Variants in CSMD1 observed in about 807,000 individuals in gnomAD.
The protein encoded by CSMD1 is CUB and Sushi multiple domains 1.
CSMD1 carries 213 observed loss-of-function variants against 417.5 expected under a neutral mutation model. That is an observed-to-expected ratio of 0.51 (90% CI 0.46 to 0.57). The LOEUF (loss-of-function observed/expected upper bound fraction) is 0.57. Among genes scored for constraint, CSMD1 ranks in the 20% least tolerant of loss-of-function variants. CSMD1 has a pLI of 0.00. For missense variants in CSMD1, 6,923 were observed against 4,529.7 expected (o/e 1.53, Z -15.17); for synonymous variants, 2,862 against 1,736.8 (o/e 1.65, Z -16.11).
At chr8:3,588,945 A>G (rs1027123779) in intron 8 of CSMD1, among the ~76,000 whole-genome samples, 34 of 152,152 alleles carry the variant, frequency 2.2e-4, no homozygotes, top group African/African-American at 8.0e-4. Context: ...TCTTTAAAGA[A>G]GACATAAAAA....
At chr8:3,679,672 G>C (rs1799553382) in intron 7 of CSMD1, among the ~76,000 whole-genome samples, 1 of 152,128 alleles carries the variant, frequency 6.6e-6, no homozygotes, top group Non-Finnish European at 1.5e-5. Context: ...ACTGAGCTCT[G>C]CACCAAGCAG....
At chr8:3,447,386 A>C (rs56724582) in intron 12 of CSMD1, among the ~76,000 whole-genome samples, 1 of 152,282 alleles carries the variant, frequency 6.6e-6, no homozygotes, top group African/African-American at 2.4e-5. Flanking sequence ...AAGAAAAAAA[A>C]AGATGGCTTA....
intron 3 of CSMD1, among the ~76,000 whole-genome samples, chr8:4,251,893 G>T (rs905765): frequency 6.8e-6 from 1 of 147,048 alleles, no homozygotes; most frequent in Non-Finnish European, 1.5e-5. Flanking sequence ...GGGAAGGGAG[G>T]GGAGGGGAGG....
chr8:3,129,306 A>C (rs1375788056), intron 41 of CSMD1, among the ~76,000 whole-genome samples: 2 of 152,370 alleles, frequency 1.3e-5, no homozygotes, highest in African/African-American at 4.8e-5. Flanking sequence ...TGAGTCAACC[A>C]AAGCAATTGT....
intron 1 of CSMD1, among the ~76,000 whole-genome samples, chr8:4,976,980 A>C (rs1810598357): frequency 6.6e-6 from 1 of 152,186 alleles, no homozygotes; most frequent in Admixed American, 6.5e-5. Context: ...CTCTCCTAAT[A>C]GAGCAATTTG....
intron 1 of CSMD1, among the ~76,000 whole-genome samples, chr8:4,638,761 G>A (rs1462447149): frequency 1.3e-5 from 2 of 152,182 alleles, no homozygotes; most frequent in Non-Finnish European, 2.9e-5. Context: ...GAGGGTTTAG[G>A]ATTGACATGA....
At chr8:4,656,848 T>A (rs1419583029) in intron 1 of CSMD1, among the ~76,000 whole-genome samples, 1 of 152,042 alleles carries the variant, frequency 6.6e-6, no homozygotes, top group East Asian at 1.9e-4. Flanking sequence ...CATTTACTAA[T>A]GTGCAGAGAC....
chr8:3,766,315 C>T (rs930714331), intron 5 of CSMD1, among the ~76,000 whole-genome samples: 1 of 152,142 alleles, frequency 6.6e-6, no homozygotes, highest in African/African-American at 2.4e-5. Context: ...GCAGATCACA[C>T]TGGTATTAAA....
chr8:4,370,757 G>GTA (rs747082755), intron 3 of CSMD1, among the ~76,000 whole-genome samples: 1 of 152,192 alleles, frequency 6.6e-6, no homozygotes, highest in Non-Finnish European at 1.5e-5. Flanking sequence ...CGAAATTCCT[G>GTA]TGGCAAATTT....
At position 4,272,765 on chromosome 8, in the gene CSMD1, A is replaced by G. The variant is rs73660725; in HGVS notation, c.415+147188T>C. Among the ~76,000 whole-genome samples, 1,386 of 152,304 alleles carry G rather than the reference A, an allele frequency of 9.1e-3. 17 individuals are homozygous for G. The highest frequency in any genetic ancestry group is 0.032 in the African/African-American group (1,336 of 41,572). On this transcript the variant is annotated intron_variant, in intron 3 of 69. Coordinates refer to ENST00000635120, the MANE Select transcript of CSMD1 (RefSeq NM_033225.6). ...TTCTGTAATTCTTGAATGAACTCTCAGTAAAGGAGGTTAGTATGAGATGAC... is the reference window on the plus strand; with the variant it reads ...TTCTGTAATTCTTGAATGAACTCTCGGTAAAGGAGGTTAGTATGAGATGAC...
Position 4,622,172 on chromosome 8 carries a change from T to TAAA in CSMD1, c.302+15167_302+15169dup, listed in dbSNP as rs397969991. 3.0e-5 allele frequency among the ~76,000 whole-genome samples: 4 copies of TAAA among 131,610 alleles called. No individual in the cohort carries two copies. The East Asian group carries it at 6.5e-4, about 21-fold the overall frequency. The allele number at this position is 131,610 out of a possible 152,430, so 86.3% of individuals were successfully genotyped here. Reference sequence around the variant, plus strand: ...AAACGCAAAGAGGGGTAAAGAGAATTAAAAAAAAAAAAAAAGAATGGCAGA... The same window carrying TAAA: ...AAACGCAAAGAGGGGTAAAGAGAATTAAAAAAAAAAAAAAAAAAGAATGGCAGA... On this transcript the variant is annotated intron_variant, in intron 2 of 69. Transcript: ENST00000635120.
rs17079215 is a variant in CSMD1 at position 3,058,617 on chromosome 8, C to T, written c.7475-5970G>A. On this transcript the variant is annotated intron_variant, in intron 49 of 69. Transcript: ENST00000635120. ...AAAGAATGTTTGTGCCACAACTTCT[C>T]AAACATTAATGTGCTCCTTATCCCC... Among the ~76,000 whole-genome samples, 685 of 152,244 alleles carry T rather than the reference C, an allele frequency of 4.5e-3. 10 individuals carry two copies. The highest frequency in any genetic ancestry group is 0.015 in the African/African-American group (637 of 41,544).
At chr8:3,690,564 G>C (rs547368319) in intron 7 of CSMD1, among the ~76,000 whole-genome samples, 2 of 152,266 alleles carry the variant, frequency 1.3e-5, no homozygotes, top group African/African-American at 4.8e-5. Flanking sequence ...GCCAACCCTG[G>C]CAAGTGTTTT....
chr8:3,531,601 G>A (rs569498374), intron 10 of CSMD1, among the ~76,000 whole-genome samples: 1 of 152,278 alleles, frequency 6.6e-6, no homozygotes, highest in South Asian at 2.1e-4. Context: ...GGCCCCGTGG[G>A]AGGCTGGTCC....
At chr8:3,927,396 G>A in intron 5 of CSMD1, among the ~76,000 whole-genome samples, 1 of 151,980 alleles carries the variant, frequency 6.6e-6, no homozygotes, top group East Asian at 1.9e-4. Context: ...GCCAGACACA[G>A]TGGCTCCTAC....
intron 2 of CSMD1, among the ~76,000 whole-genome samples, chr8:4,451,203 T>C (rs554255129): frequency 4.6e-5 from 7 of 152,248 alleles, no homozygotes; most frequent in African/African-American, 1.7e-4. Flanking sequence ...ATGAGGCATG[T>C]GCCTGTAGTC....
At chr8:3,604,523 T>C (rs118076907) in intron 8 of CSMD1, among the ~76,000 whole-genome samples, 2 of 152,142 alleles carry the variant, frequency 1.3e-5, no homozygotes, top group Non-Finnish European at 2.9e-5. Context: ...CAATACCACA[T>C]AGGATACCAA....
intron 5 of CSMD1, among the ~76,000 whole-genome samples, chr8:3,946,365 T>A (rs79633508): frequency 9.2e-4 from 140 of 152,276 alleles, no homozygotes; most frequent in African/African-American, 3.1e-3. Flanking sequence ...ATCACGTATG[T>A]GCTGGCCTGT....
At chr8:3,499,863 G>C (rs1796522729) in intron 10 of CSMD1, among the ~76,000 whole-genome samples, 1 of 152,076 alleles carries the variant, frequency 6.6e-6, no homozygotes, top group Non-Finnish European at 1.5e-5. Flanking sequence ...CTTCTGTCCT[G>C]AAAATGGCAC....
Sources: allele counts gnomAD v4.1 joint callset (sites outside exome capture counted in the v4.1 genomes callset), GRCh38; gene constraint gnomAD v4.1.1; transcripts MANE v1.5; gene names NCBI Gene and HGNC (gene_info 2026-07-23, HGNC 2026-07-21).